Variants in GLRA1 observed in about 807,000 individuals in gnomAD.
GLRA1 encodes glycine receptor subunit alpha-1.
A neutral mutation model predicts 48.3 loss-of-function variants in GLRA1; 37 were observed. That is an observed-to-expected ratio of 0.77 (90% CI 0.59 to 1.01). GLRA1 has a LOEUF of 1.01. Among genes scored for constraint, GLRA1 ranks in the 50% least tolerant of loss-of-function variants. The pLI, the probability that GLRA1 is intolerant of heterozygous loss-of-function variation, is 0.00. For synonymous variants in GLRA1, 196 were observed against 210.7 expected, an observed-to-expected ratio of 0.93 and a Z score of 0.60; for missense variants, 427 against 571.0, an observed-to-expected ratio of 0.75 and a Z score of 2.57.
chr5:151,829,029 A>G lies in GLRA1; in HGVS notation c.951T>C (p.Val317=). ...GGGCTGAGAACACAAAGAGCAGGCAAACTGCCATCCAAATGTCAATGGCTT... is the reference window on the plus strand; with the variant it reads ...GGGCTGAGAACACAAAGAGCAGGCAGACTGCCATCCAAATGTCAATGGCTT... ...YVKAIDIWMA[V]CLLFVFSALL... is the part of the protein sequence containing the mutation. The change falls in exon 8 of 9, where the codon GTT becomes GTC. Residue 317 remains valine, a synonymous_variant. Transcript: ENST00000274576. The G allele has an allele frequency of 6.2e-7, 1 of 1,614,140 alleles. No individual in the cohort carries two copies.
At chr5:151,861,884 C>T (rs968569320) in intron 3 of GLRA1, among the ~76,000 whole-genome samples, 13 of 152,166 alleles carry the variant, frequency 8.5e-5, no homozygotes, top group Admixed American at 1.3e-4. Context: ...CAATGCCATT[C>T]CCATCAAGCT....
At chr5:151,833,796 C>CAAAAAAAAAAAAA (rs757336792) in intron 7 of GLRA1, among the ~76,000 whole-genome samples, 3 of 64,772 alleles carry the variant, frequency 4.6e-5, no homozygotes, top group Non-Finnish European at 8.5e-5. Context: ...AAGTGGAAAG[C>CAAAAAAAAAAAAA]AAAAAAAAAA....
In GLRA1 at chr5:151,822,830, G is replaced by C. The variant is rs140420721; in HGVS notation, c.1193C>G (p.Ser398Cys). ...TTTTCGCATCTCCTCTGGGGACTTA[G>C]ATGGTGCAGGAGGGGGGTTGGTGGT... ...SNTTNPPPAP[S>C]KSPEEMRKLF... Residue 398 changes from serine to cysteine, a missense_variant, in exon 9 of 9, where the codon TCT becomes TGT. Physicochemically the swap from Ser to Cys is moderately radical, Grantham distance 112. Around this residue, in one of 4 missense-constraint regions of GLRA1, gnomAD observed 121 missense variants for 96.5 expected, o/e 1.25. Coordinates refer to ENST00000274576, the MANE Select transcript of GLRA1 (RefSeq NM_000171.4). 18 of 1,614,180 alleles carry C rather than the reference G, an allele frequency of 1.1e-5. No individual in the cohort carries two copies. The highest frequency in any genetic ancestry group is 1.5e-5 in the Non-Finnish European group (18 of 1,180,016).
chr5:151,902,275 G>C (rs1754384446), intron 1 of GLRA1, among the ~76,000 whole-genome samples: 1 of 151,784 alleles, frequency 6.6e-6, no homozygotes, highest in African/African-American at 2.4e-5. Context: ...CTCAGTCTCA[G>C]ATGGTAGAAC....
chr5:151,914,379 G>C (rs1269516928), intron 1 of GLRA1, among the ~76,000 whole-genome samples: 1 of 152,192 alleles, frequency 6.6e-6, no homozygotes, highest in Non-Finnish European at 1.5e-5. Flanking sequence ...AGAGAAACCT[G>C]CTTTGAAGGT....
At chr5:151,850,200 G>C in intron 7 of GLRA1, 3 of 1,603,434 alleles carry the variant, frequency 1.9e-6, no homozygotes, top group Non-Finnish European at 2.6e-6. Flanking sequence ...CAGGGACATC[G>C]TGGAGGCCCA....
intron 1 of GLRA1, among the ~76,000 whole-genome samples, chr5:151,893,356 C>A (rs1421916655): frequency 8.4e-6 from 1 of 118,476 alleles, no homozygotes; most frequent in African/African-American, 3.2e-5. Context: ...TTCTTTCTTT[C>A]TTTCATTTTA....
At chr5:151,891,913 A>G (rs941757327) in intron 2 of GLRA1, among the ~76,000 whole-genome samples, 1 of 152,166 alleles carries the variant, frequency 6.6e-6, no homozygotes, top group Non-Finnish European at 1.5e-5. Context: ...AAAGTTGCCA[A>G]GCCCATTACT....
intron 7 of GLRA1, among the ~76,000 whole-genome samples, chr5:151,844,512 C>A (rs1224168149): frequency 6.7e-6 from 1 of 150,110 alleles, no homozygotes; most frequent in Non-Finnish European, 1.5e-5. Context: ...ATTTCAGCTA[C>A]TCGGGAGGCT....
In GLRA1 at chr5:151,892,450, G is replaced by C. The variant is rs187424144; in HGVS notation, c.57-12C>G. The C allele has an allele frequency of 6.2e-7, 1 of 1,613,858 alleles. No homozygotes were observed. Among genetic ancestry groups the C allele is most frequent in the Non-Finnish European group, 8.5e-7 (1 of 1,179,818 alleles). ...TAGAAGCAGCAAGGCTAAGGAGGAA[G>C]AGAGGAGAGCAAAAGGTTAATGATG... On this transcript the variant is annotated splice_polypyrimidine_tract_variant and intron_variant, in intron 1 of 8. Transcript: ENST00000274576.
At chr5:151,883,224 G>T (rs1340667541) in intron 3 of GLRA1, among the ~76,000 whole-genome samples, 1 of 152,124 alleles carries the variant, frequency 6.6e-6, no homozygotes, top group Non-Finnish European at 1.5e-5. Context: ...TACTCCAGGA[G>T]ACCATCTCCT....
intron 4 of GLRA1, 79 bp downstream of exon 4, chr5:151,859,706 C>T: frequency 9.2e-7 from 1 of 1,086,872 alleles, no homozygotes; most frequent in Admixed American, 1.8e-5. Flanking sequence ...TTTGGCCCCT[C>T]TTTTAGAGTC....
chr5:151,892,549 AGTAATATGG>A, intron 1 of GLRA1, 111 bp from the exon 2 acceptor site: 1 of 1,160,962 alleles, frequency 8.6e-7, no homozygotes, highest in Non-Finnish European at 1.3e-6. Flanking sequence ...TCTTAGCTGG[AGTAATATGG>A]GTAATATGGG....
intron 7 of GLRA1, among the ~76,000 whole-genome samples, chr5:151,844,940 T>A (rs1032833936): frequency 3.3e-5 from 5 of 152,140 alleles, no homozygotes; most frequent in Admixed American, 6.5e-5. Context: ...AGGGAAGCCA[T>A]CATGTGCAGA....
intron 7 of GLRA1, chr5:151,850,082 AT>A: frequency 6.2e-7 from 1 of 1,604,072 alleles, no homozygotes. Flanking sequence ...TGGAGCAGGA[AT>A]ATACCCTCAT....
At chr5:151,914,076 A>ATC (rs1419231208) in intron 1 of GLRA1, among the ~76,000 whole-genome samples, 1 of 152,262 alleles carries the variant, frequency 6.6e-6, no homozygotes, top group African/African-American at 2.4e-5. Flanking sequence ...AAAAAACAAA[A>ATC]TAAAGGAAAA....
chr5:151,833,795 G>GAAAAAAAAA (rs1561548072), intron 7 of GLRA1, among the ~76,000 whole-genome samples: 1 of 22,962 alleles, frequency 4.4e-5, no homozygotes, highest in African/African-American at 2.0e-4. Context: ...GAAGTGGAAA[G>GAAAAAAAAA]CAAAAAAAAA....
At chr5:151,886,513 G>A (rs186859442) in intron 3 of GLRA1, among the ~76,000 whole-genome samples, 113 of 152,260 alleles carry the variant, frequency 7.4e-4, no homozygotes, top group Non-Finnish European at 1.4e-3. Context: ...TGCCCTGCTA[G>A]GTCTTTGGCT....
intron 7 of GLRA1, among the ~76,000 whole-genome samples, chr5:151,836,039 A>G (rs541663622): frequency 6.6e-6 from 1 of 152,250 alleles, no homozygotes; most frequent in African/African-American, 2.4e-5. Context: ...TGCAGATGAC[A>G]TGATTGTATA....
Sources: allele counts gnomAD v4.1 joint callset (sites outside exome capture counted in the v4.1 genomes callset), GRCh38; gene constraint gnomAD v4.1.1; regional missense constraint gnomAD v4.1.1; transcripts MANE v1.5; gene names NCBI Gene and HGNC (gene_info 2026-07-23, HGNC 2026-07-21).